The following AIMP2 variants were observed in gnomAD, a reference collection of about 807,000 sequenced individuals.
AIMP2 encodes the protein aminoacyl tRNA synthase complex-interacting multifunctional protein 2.
AIMP2 carries 20 observed loss-of-function variants against 23.4 expected under a neutral mutation model. The ratio of observed to expected loss-of-function variants is 0.85; its 90% CI spans 0.60 to 1.24. The LOEUF (loss-of-function observed/expected upper bound fraction) is 1.24. AIMP2 is among the 50% of genes most tolerant of loss of function. AIMP2 has a pLI of 0.00. For missense variants in AIMP2, 515 were observed against 414.5 expected (o/e 1.24, Z -2.10); for synonymous variants, 210 against 170.4 (o/e 1.23, Z -1.81).
At chr7:6,019,805 C>T (rs1199258778) in intron 3 of AIMP2, among the ~76,000 whole-genome samples, 1 of 152,034 alleles carries the variant, frequency 6.6e-6, no homozygotes, top group African/African-American at 2.4e-5. Context: ...GGGCAGATCA[C>T]GAGGTTAAGA....
chr7:6,012,924 C>A, intron 1 of AIMP2: 18 of 989,104 alleles, frequency 1.8e-5, no homozygotes, highest in Non-Finnish European at 2.0e-5. Flanking sequence ...ATTTCTCTGA[C>A]GTTTGATCTT....
chr7:6,015,630 A>C (rs914985685), intron 2 of AIMP2, among the ~76,000 whole-genome samples: 1 of 152,246 alleles, frequency 6.6e-6, no homozygotes, highest in Non-Finnish European at 1.5e-5. Flanking sequence ...AGGCTGAGGC[A>C]GGAGAATGGC....
rs1007736216 is a variant in AIMP2 at position 6,023,232 on chromosome 7, C to T, written c.575-71C>T. 10 of 1,498,636 alleles carry T rather than the reference C, an allele frequency of 6.7e-6. No homozygotes were observed. In the African/African-American group the frequency reaches 1.4e-4, roughly 21 times the overall value. The allele number at this position is 1,498,636 out of a possible 1,614,324, so 92.8% of individuals were successfully genotyped here. A position where few individuals can be genotyped will look rare whatever the true frequency, so the allele number is the denominator to read the frequency against. ...GTCTGTGGTGTTTGGTGACTGTCCC[C>T]TTCCCCACTGTGCGAGTACTTCCCT... On this transcript the variant is annotated intron_variant, in intron 3 of 3. Coordinates refer to ENST00000223029, the MANE Select transcript of AIMP2 (RefSeq NM_006303.4).
At position 6,023,559 on chromosome 7, in the gene AIMP2, A is replaced by C; in HGVS notation, c.831A>C (p.Ala277=). The part of the protein sequence containing the change: ...PWLAGNELTV[A]DVVLWSVLQQ... ...TCGCTGGGAATGAACTCACCGTAGC[A>C]GACGTGGTGCTGTGGTCTGTACTCC... Residue 277 remains alanine (A), a synonymous_variant, in exon 4 of 4, where the codon GCA becomes GCC. Coordinates refer to ENST00000223029, the MANE Select transcript of AIMP2 (RefSeq NM_006303.4). 6.2e-7 allele frequency: 1 copy of C among 1,614,238 alleles called. No homozygotes were observed. The highest frequency in any genetic ancestry group is 8.5e-7 in the Non-Finnish European group (1 of 1,180,038).
chr7:6,022,918 T>G, intron 3 of AIMP2: 1 of 198,092 alleles, frequency 5.0e-6, no homozygotes, highest in Non-Finnish European at 1.0e-5. Context: ...ATGTCATTCA[T>G]ATCTTAATTG....
rs566553389 is a variant in AIMP2 at position 6,023,792 on chromosome 7, T to A, written c.*101T>A. On this transcript the variant is annotated 3_prime_UTR_variant, in exon 4 of 4. Transcript: ENST00000223029. ...TGTATTAGAGTCAGAGTCTTTTTAT[T>A]TAGGCCAGTTGTCAAGTGTCAATAA... The A allele has an allele frequency of 4.4e-6, 7 of 1,592,916 alleles. No individual in the cohort carries two copies. In the South Asian group the frequency reaches 4.5e-5, roughly 10 times the overall value.
At chr7:6,014,984 T>C in intron 1 of AIMP2, 162 bp from the exon 2 acceptor site, 1 of 1,453,866 alleles carries the variant, frequency 6.9e-7, no homozygotes, top group South Asian at 1.4e-5. Context: ...CCTCCCGAAG[T>C]GCTGGGATTA....
At chr7:6,019,195 A>C (rs1787227563) in intron 3 of AIMP2, among the ~76,000 whole-genome samples, 1 of 151,952 alleles carries the variant, frequency 6.6e-6, no homozygotes, top group Non-Finnish European at 1.5e-5. Context: ...CAGCTAATTC[A>C]TCTCTCCAGG....
chr7:6,018,990 C>CACACACACACACACACACACACACAA (rs767819752), intron 3 of AIMP2, among the ~76,000 whole-genome samples: 1 of 143,612 alleles, frequency 7.0e-6, no homozygotes, highest in Non-Finnish European at 1.5e-5. Flanking sequence ...CACACACACA[C>CACACACACACACACACACACACACAA]AATACATGGC....
chr7:6,022,665 CTGAG>C (rs919845374), intron 3 of AIMP2: 2 of 152,000 alleles, frequency 1.3e-5, no homozygotes, highest in African/African-American at 2.4e-5. Context: ...TTTAGGGTCT[CTGAG>C]TGAGACACAG....
At position 6,015,241 on chromosome 7, in the gene AIMP2, C is replaced by G. The variant is rs1786949293; in HGVS notation, c.231C>G (p.Ser77=). 1.2e-6 allele frequency: 2 copies of G among 1,614,140 alleles called. No individual in the cohort carries two copies. Among genetic ancestry groups the G allele is most frequent in the South Asian group, 1.1e-5 (1 of 91,090 alleles). The change falls in exon 2 of 4, where the codon TCC becomes TCG. Residue 77 remains serine, a synonymous_variant. Transcript: ENST00000223029. ...TGAAAGCTGCAGTTGATGGCCTCTC[C>G]AAGATGATTCAAACACCAGATGCAG... ...YELKAAVDGL[S]KMIQTPDADL... is the part of the protein sequence containing the mutation.
chr7:6,012,127 C>T (rs554683654), intron 1 of AIMP2, among the ~76,000 whole-genome samples: 22 of 152,002 alleles, frequency 1.4e-4, no homozygotes, highest in Admixed American at 1.0e-3. Flanking sequence ...GTAGCATGTG[C>T]CTGTAGTTCC....
At chr7:6,013,794 T>A (rs1786848350) in intron 1 of AIMP2, among the ~76,000 whole-genome samples, 2 of 152,034 alleles carry the variant, frequency 1.3e-5, no homozygotes, top group South Asian at 2.1e-4. Flanking sequence ...TACAAAAAAA[T>A]TTAAAAATTA....
chr7:6,009,355 G>A lies in AIMP2; in HGVS notation c.-9G>A. ...GGCACGCGCTACCCCCTTTTGCTTTGGTTCTGCCATGCCGATGTACCAGGT... is the reference window on the plus strand; with the variant it reads ...GGCACGCGCTACCCCCTTTTGCTTTAGTTCTGCCATGCCGATGTACCAGGT... On this transcript the variant is annotated 5_prime_UTR_variant, in exon 1 of 4. Transcript: ENST00000223029. The A allele has an allele frequency of 5.6e-6, 9 of 1,611,830 alleles. No individual in the cohort carries two copies. The highest frequency in any genetic ancestry group is 7.6e-6 in the Non-Finnish European group (9 of 1,180,004).
In AIMP2 at chr7:6,023,698, GT is replaced by G; in HGVS notation, c.*8del. Reference sequence around the variant, plus strand: ...CCTCAAGCTCCTTAAGTGAATTGCCGTAACTGATTTTAAAGGGTTTAGATTT... The same window carrying G: ...CCTCAAGCTCCTTAAGTGAATTGCCGAACTGATTTTAAAGGGTTTAGATTT... On this transcript the variant is annotated 3_prime_UTR_variant, in exon 4 of 4. Coordinates refer to ENST00000223029, the MANE Select transcript of AIMP2 (RefSeq NM_006303.4). The G allele has an allele frequency of 6.2e-7, 1 of 1,614,038 alleles. No individual in the cohort carries two copies. The highest frequency in any genetic ancestry group is 2.2e-5 in the East Asian group (1 of 44,892).
At chr7:6,019,392 G>A (rs1386992771) in intron 3 of AIMP2, among the ~76,000 whole-genome samples, 2 of 150,712 alleles carry the variant, frequency 1.3e-5, no homozygotes, top group Non-Finnish European at 2.9e-5. Context: ...GGCTGAGGCA[G>A]GAGAATGGTG....
Position 6,023,569 on chromosome 7 carries a change from CT to C in AIMP2, c.842del (p.Leu281ArgfsTer13). On this transcript the variant is annotated frameshift_variant, in exon 4 of 4. Coordinates refer to ENST00000223029, the MANE Select transcript of AIMP2 (RefSeq NM_006303.4). LOFTEE classifies it high-confidence loss of function. ...GNELTVADVV[L>X]WSVLQQIGGC... ...TGAACTCACCGTAGCAGACGTGGTGCTGTGGTCTGTACTCCAGCAGATCGGA... is the reference window on the plus strand; with the variant it reads ...TGAACTCACCGTAGCAGACGTGGTGCGTGGTCTGTACTCCAGCAGATCGGA... 6.2e-7 allele frequency: 1 copy of C among 1,614,206 alleles called. No individual in the cohort carries two copies. The highest frequency in any genetic ancestry group is 1.3e-5 in the African/African-American group (1 of 75,054).
In AIMP2 at chr7:6,015,277, A is replaced by C. The variant is rs1264827173; in HGVS notation, c.267A>C (p.Val89=). Residue 89 remains valine (V), a synonymous_variant, in exon 2 of 4, where the codon GTA becomes GTC. Coordinates refer to ENST00000223029, the MANE Select transcript of AIMP2 (RefSeq NM_006303.4). ...MIQTPDADLD[V]TNIIQADEPT... is the part of the protein sequence containing the mutation. ...AAACACCAGATGCAGACTTGGATGT[A>C]ACCAACATAATCCAAGCGGATGAGC... The C allele has an allele frequency of 6.2e-7, 1 of 1,614,098 alleles. No homozygotes were observed. Among genetic ancestry groups the C allele is most frequent in the Non-Finnish European group, 8.5e-7 (1 of 1,180,050 alleles).
Position 6,010,458 on chromosome 7 carries a change from T to G in AIMP2, c.135+960T>G, listed in dbSNP as rs201611986. 2.9e-3 allele frequency among the ~76,000 whole-genome samples: 379 copies of G among 129,982 alleles called. 3 individuals carry two copies. The highest frequency in any genetic ancestry group is 5.0e-4 in the Non-Finnish European group (29 of 58,438). The allele number at this position is 129,982 out of a possible 152,430, so 85.3% of individuals were successfully genotyped here. Reference sequence around the variant, plus strand: ...ATAGTCTGGTTTTTTGTTTTTTTTTTTGTTTTTTTCAGATGGAGTCTCACT... The same window carrying G: ...ATAGTCTGGTTTTTTGTTTTTTTTTGTGTTTTTTTCAGATGGAGTCTCACT... On this transcript the variant is annotated intron_variant, in intron 1 of 3. Coordinates refer to ENST00000223029, the MANE Select transcript of AIMP2 (RefSeq NM_006303.4).
Sources: gnomAD v4.1 joint callset for allele counts (sites outside exome capture counted in the v4.1 genomes callset) on GRCh38, gnomAD v4.1.1 for gene constraint, MANE v1.5 for transcripts, NCBI Gene and HGNC (gene_info 2026-07-23, HGNC 2026-07-21) for gene names.